The following TENM3 variants were observed in gnomAD, a reference collection of about 807,000 sequenced individuals.
The protein encoded by TENM3 is teneurin-3.
Under a neutral mutation model 255.1 loss-of-function variants are expected in TENM3, and 63 were observed. The observed-to-expected ratio is 0.25, with a 90% CI of 0.20 to 0.30. The LOEUF is 0.30. Ranked by LOEUF, TENM3 falls within the 10% of genes least tolerant of loss-of-function variation. The pLI is 1.00. For missense variants in TENM3, 2,929 were observed against 3,461.1 expected, an observed-to-expected ratio of 0.85 and a Z score of 3.86; for synonymous variants, 1,306 against 1,322.3, an observed-to-expected ratio of 0.99 and a Z score of 0.27.
rs56256529 is a variant in TENM3 at position 182,177,958 on chromosome 4, G to GTTTTTTTTT, written c.-76+33213_-76+33221dup. ...CAATATTTTATATGTTTTGGTTTTT[G>GTTTTTTTTT]TTTTTTTTTTTTTTTTTGCTTTAAG... is the stretch of plus-strand genomic sequence containing the variant. On this transcript the variant is annotated intron_variant, in intron 1 of 2. Coordinates refer to the TENM3 transcript ENST00000512480. Among the ~76,000 whole-genome samples, 779 of 116,532 alleles carry GTTTTTTTTT rather than the reference G, an allele frequency of 6.7e-3. 1 individual carries two copies. Among genetic ancestry groups the GTTTTTTTTT allele is most frequent in the Non-Finnish European group, 1.0e-2 (552 of 55,262 alleles). The allele number at this position is 116,532 out of a possible 152,430, so 76.4% of individuals were successfully genotyped here.
chr4:182,046,798 A>C, the TENM3 span, among the ~76,000 whole-genome samples: 2 of 152,162 alleles, frequency 1.3e-5, no homozygotes, highest in Admixed American at 6.5e-5. Flanking sequence ...ATTATTTGAG[A>C]TAATTATTTC....
At chr4:182,201,088 G>C (rs754270096) in intron 1 of TENM3, among the ~76,000 whole-genome samples, 31 of 151,722 alleles carry the variant, frequency 2.0e-4, no homozygotes, top group Admixed American at 7.2e-4. Flanking sequence ...GCCTCCCAAA[G>C]TTCTAGGATT....
chr4:182,793,367 T>A lies in TENM3; in HGVS notation c.6695T>A (p.Leu2232Gln), dbSNP rs1363762143. 2 of 1,613,718 alleles carry A rather than the reference T, an allele frequency of 1.2e-6. No homozygotes were observed. Among genetic ancestry groups the A allele is most frequent in the African/African-American group, 2.7e-5 (2 of 74,930 alleles). Reference sequence around the variant, plus strand: ...ACAGTGATCTACCGTTATGACGGCCTGGGAAGGCGTGTTTCTAGCAAAACC... The same window carrying A: ...ACAGTGATCTACCGTTATGACGGCCAGGGAAGGCGTGTTTCTAGCAAAACC... ...GWTVIYRYDG[L>Q]GRRVSSKTSL... Residue 2232 changes from leucine (L) to glutamine (Q), a missense_variant, in exon 26 of 28, where the codon CTG (leucine) becomes CAG (glutamine). Coordinates refer to ENST00000511685, the MANE Select transcript of TENM3 (RefSeq NM_001080477.4). This position sits in a 1 kb window ranked among gnomAD's most constrained non-coding sequence, Gnocchi z 5.7.
chr4:182,353,520 G>A (rs874152), intron 3 of TENM3, among the ~76,000 whole-genome samples: 89,821 of 152,042 alleles, frequency 0.59, 27,892 homozygotes, highest in East Asian at 0.89. Context: ...AATAGTTCCT[G>A]ATATATAAAA....
intron 3 of TENM3, among the ~76,000 whole-genome samples, chr4:182,506,064 G>A (rs1174140689): frequency 6.6e-6 from 1 of 152,190 alleles, no homozygotes; most frequent in South Asian, 2.1e-4. Context: ...CAACAGCTGT[G>A]GTCTAGAAGG....
chr4:181,460,390 T>C, the TENM3 span, among the ~76,000 whole-genome samples: 3 of 151,990 alleles, frequency 2.0e-5, no homozygotes, highest in Non-Finnish European at 4.4e-5. Context: ...AACATGACTT[T>C]ATCTGTAGGT....
the TENM3 span, among the ~76,000 whole-genome samples, chr4:181,664,740 G>A: frequency 1.4e-4 from 22 of 152,128 alleles, no homozygotes; most frequent in East Asian, 3.1e-3. Context: ...TTGGCGGCCC[G>A]TGATGTCCAT....
At chr4:182,164,233 A>G (rs1030204405) in intron 1 of TENM3, among the ~76,000 whole-genome samples, 39 of 152,208 alleles carry the variant, frequency 2.6e-4, no homozygotes, top group Non-Finnish European at 4.3e-4. Context: ...ATCTGAATCC[A>G]TAATCTTTTC....
the TENM3 span, among the ~76,000 whole-genome samples, chr4:182,076,524 A>C: frequency 5.9e-5 from 9 of 152,048 alleles, no homozygotes; most frequent in African/African-American, 1.4e-4. Flanking sequence ...TTTATAATCA[A>C]ATTCCAGTGA....
chr4:181,743,399 T>C, the TENM3 span, among the ~76,000 whole-genome samples: 260 of 152,232 alleles, frequency 1.7e-3, no homozygotes, highest in African/African-American at 5.9e-3. Flanking sequence ...CTCATTGTGG[T>C]TTTGATTTGC....
At chr4:181,855,889 G>T in the TENM3 span, among the ~76,000 whole-genome samples, 1 of 149,176 alleles carries the variant, frequency 6.7e-6, no homozygotes, top group Non-Finnish European at 1.5e-5. Context: ...AGAGAAGGAG[G>T]TAGGAAGGAA....
chr4:181,959,545 G>A, the TENM3 span, among the ~76,000 whole-genome samples: 1 of 152,318 alleles, frequency 6.6e-6, no homozygotes, highest in East Asian at 1.9e-4. Flanking sequence ...AATAAATCCA[G>A]AGTTCCATTA....
At chr4:182,028,090 A>G in the TENM3 span, among the ~76,000 whole-genome samples, 17 of 152,210 alleles carry the variant, frequency 1.1e-4, no homozygotes, top group African/African-American at 3.6e-4. Context: ...CAGTGAAGCT[A>G]TTGGGTCCTA....
chr4:181,915,989 T>C, the TENM3 span, among the ~76,000 whole-genome samples: 2 of 152,186 alleles, frequency 1.3e-5, no homozygotes, highest in Non-Finnish European at 2.9e-5. Flanking sequence ...AATCCTTCTG[T>C]GGCTTCTCAT....
chr4:182,037,270 C>T, the TENM3 span, among the ~76,000 whole-genome samples: 1 of 151,946 alleles, frequency 6.6e-6, no homozygotes, highest in South Asian at 2.1e-4. Context: ...GCCTCGGGCT[C>T]CTGAGTAGCT....
intron 12 of TENM3, among the ~76,000 whole-genome samples, chr4:182,709,591 T>C (rs1303208794): frequency 6.6e-6 from 1 of 152,218 alleles, no homozygotes; most frequent in Non-Finnish European, 1.5e-5. Flanking sequence ...GTTTATATTG[T>C]TGCAATTATT....
chr4:182,422,645 C>A (rs931145794), intron 3 of TENM3, among the ~76,000 whole-genome samples: 4 of 152,132 alleles, frequency 2.6e-5, no homozygotes, highest in Non-Finnish European at 5.9e-5. Flanking sequence ...AAATTAGAAT[C>A]GACTTGTCAT....
At chr4:182,348,130 A>C (rs1764951431) in intron 3 of TENM3, among the ~76,000 whole-genome samples, 1 of 152,186 alleles carries the variant, frequency 6.6e-6, no homozygotes, top group African/African-American at 2.4e-5. Context: ...AGAATATCTT[A>C]GTGCATTAAA....
chr4:182,196,544 C>A (rs1305143613), intron 1 of TENM3, among the ~76,000 whole-genome samples: 1 of 152,042 alleles, frequency 6.6e-6, no homozygotes, highest in Non-Finnish European at 1.5e-5. Context: ...AGGCGCCTCA[C>A]CTTCCCCATC....
Sources: gnomAD v4.1 joint callset for allele counts (sites outside exome capture counted in the v4.1 genomes callset) on GRCh38, gnomAD v4.1.1 for gene constraint, Gnocchi (gnomAD v3.1) non-coding constraint, MANE v1.5 for transcripts, NCBI Gene and HGNC (gene_info 2026-07-23, HGNC 2026-07-21) for gene names.